The following WIPI2 variants were observed in gnomAD, a reference collection of about 807,000 sequenced individuals.
WIPI2 encodes WD repeat domain, phosphoinositide interacting 2, also known as WD repeat domain phosphoinositide-interacting protein 2.
WIPI2 carries 28 observed loss-of-function variants against 52.3 expected under a neutral mutation model. That is an observed-to-expected ratio of 0.54 (90% confidence interval 0.40 to 0.73). WIPI2 has a LOEUF of 0.73. Ranked by LOEUF, WIPI2 falls within the 30% of genes least tolerant of loss-of-function variation. The pLI is 0.00. For missense variants in WIPI2, 506 were observed against 602.9 expected, an observed-to-expected ratio of 0.84 and a Z score of 1.68; for synonymous variants, 268 against 245.0, an observed-to-expected ratio of 1.09 and a Z score of -0.88.
At chr7:5,207,216 CTA>C (rs1366400845) in intron 3 of WIPI2, among the ~76,000 whole-genome samples, 2 of 152,140 alleles carry the variant, frequency 1.3e-5, no homozygotes, top group Admixed American at 6.5e-5. Context: ...TGAGTGAACA[CTA>C]TGTGAGTTTT....
intron 3 of WIPI2, among the ~76,000 whole-genome samples, chr7:5,210,888 A>G (rs973538960): frequency 6.6e-6 from 1 of 151,990 alleles, no homozygotes; most frequent in African/African-American, 2.4e-5. Flanking sequence ...CGTAATGGGG[A>G]TTGTTGGTTC....
intron 2 of WIPI2, 106 bp from the exon 3 acceptor site, chr7:5,199,470 C>A: frequency 1.2e-6 from 1 of 862,700 alleles, no homozygotes; most frequent in Non-Finnish European, 1.9e-6. Context: ...TTGTGGAGGG[C>A]ACGCGGGGAA....
intron 9 of WIPI2, 102 bp downstream of exon 9, chr7:5,226,032 T>A (rs1434744238): frequency 8.5e-7 from 1 of 1,181,094 alleles, no homozygotes; most frequent in Non-Finnish European, 1.2e-6. Context: ...CCCTCTGACA[T>A]CGTTAGCCAG....
intron 3 of WIPI2, among the ~76,000 whole-genome samples, chr7:5,203,732 G>T (rs186763158): frequency 6.8e-6 from 1 of 146,154 alleles, no homozygotes; most frequent in Non-Finnish European, 1.5e-5. Context: ...TCCCGGATTC[G>T]CGCCATTCTC....
intron 1 of WIPI2, 99 bp from the exon 2 acceptor site, chr7:5,193,019 C>G: frequency 1.7e-6 from 2 of 1,144,528 alleles, no homozygotes; most frequent in South Asian, 2.7e-5. Flanking sequence ...ATATGATTTC[C>G]AATGTCGTAC....
intron 3 of WIPI2, among the ~76,000 whole-genome samples, chr7:5,205,533 C>G (rs1185380489): frequency 6.6e-6 from 1 of 152,194 alleles, no homozygotes; most frequent in Non-Finnish European, 1.5e-5. Context: ...TAGTTTCTGT[C>G]CTGCCTCTGC....
At chr7:5,229,331 GTAAA>G (rs963883447) in intron 11 of WIPI2, 40 of 280,360 alleles carry the variant, frequency 1.4e-4, no homozygotes, top group African/African-American at 8.5e-4. Context: ...GACTTTTTTT[GTAAA>G]TAGTGAATCC....
chr7:5,190,568 C>A, intron 1 of WIPI2, 75 bp downstream of exon 1: 3 of 1,305,374 alleles, frequency 2.3e-6, no homozygotes, highest in Non-Finnish European at 3.0e-6. Context: ...GCCTCGCTGC[C>A]AAGCTCGGCG....
At chr7:5,226,089 C>A in intron 9 of WIPI2, 159 bp downstream of exon 9, 1 of 678,000 alleles carries the variant, frequency 1.5e-6, no homozygotes, top group Non-Finnish European at 2.6e-6. Context: ...CGCATCCAGG[C>A]TCGGCAGTGA....
At chr7:5,199,473 G>A (rs1474828563) in intron 2 of WIPI2, 103 bp from the exon 3 acceptor site, 12 of 917,918 alleles carry the variant, frequency 1.3e-5, no homozygotes, top group South Asian at 9.1e-5. Flanking sequence ...TGGAGGGCAC[G>A]CGGGGAACTT....
At chr7:5,223,114 CT>C (rs1783231663) in intron 8 of WIPI2, among the ~76,000 whole-genome samples, 1 of 152,198 alleles carries the variant, frequency 6.6e-6, no homozygotes, top group Non-Finnish European at 1.5e-5. Context: ...CTGGAGTTCT[CT>C]TGTCTTCCTC....
At chr7:5,226,289 C>T (rs1783428562) in intron 9 of WIPI2, 1 of 245,820 alleles carries the variant, frequency 4.1e-6, no homozygotes, top group South Asian at 5.9e-5. Flanking sequence ...CGTCTCTTAC[C>T]TTCCCACGGG....
At chr7:5,201,082 GC>G (rs1782006022) in intron 3 of WIPI2, among the ~76,000 whole-genome samples, 1 of 152,232 alleles carries the variant, frequency 6.6e-6, no homozygotes, top group Non-Finnish European at 1.5e-5. Context: ...CCCAGGCGCC[GC>G]CCGCCTTCCT....
chr7:5,216,780 T>A, intron 5 of WIPI2, 121 bp downstream of exon 5: 4 of 1,006,352 alleles, frequency 4.0e-6, no homozygotes, highest in Non-Finnish European at 5.9e-6. Context: ...TTAAAAGTAT[T>A]GATCCCAAAC....
intron 2 of WIPI2, among the ~76,000 whole-genome samples, chr7:5,196,034 T>C (rs1243365007): frequency 1.4e-5 from 2 of 147,778 alleles, no homozygotes; most frequent in African/African-American, 5.0e-5. Flanking sequence ...CAAGACTCCA[T>C]CTCAAAAAAA....
intron 3 of WIPI2, among the ~76,000 whole-genome samples, chr7:5,207,444 T>A (rs903356256): frequency 1.3e-5 from 2 of 152,244 alleles, no homozygotes; most frequent in African/African-American, 4.8e-5. Context: ...TTTCTTTTGC[T>A]CTGCATTTTT....
chr7:5,227,965 G>A lies in WIPI2; in HGVS notation c.1014-139G>A. On this transcript the variant is annotated intron_variant, in intron 10 of 12. Coordinates refer to ENST00000288828, the MANE Select transcript of WIPI2 (RefSeq NM_015610.4). This position sits in a 1 kb window ranked among gnomAD's most constrained non-coding sequence, Gnocchi z 8.1. ...TTGGCCGTGTGAGCCGAGGTCAGTG[G>A]GGCGCCAGACACCTGCAGCTGCCCT... is the stretch of plus-strand genomic sequence containing the variant. The A allele has an allele frequency of 1.3e-6, 1 of 787,536 alleles. No individual in the cohort carries two copies. Among genetic ancestry groups the A allele is most frequent in the Non-Finnish European group, 2.2e-6 (1 of 464,938 alleles). The allele number at this position is 787,536 out of a possible 1,614,324, so 48.8% of individuals were successfully genotyped here.
At position 5,214,618 on chromosome 7, in the gene WIPI2, C is replaced by CTAAA; in HGVS notation, c.296_299dup (p.Lys100AsnfsTer7). On this transcript the variant is annotated frameshift_variant, in exon 4 of 13. Transcript: ENST00000288828. LOFTEE classifies it high-confidence loss of function. ...CGTCAGCCTTAAAGCACCAAGGAAGCTAAAGGTTTGCCACTTTAAGAAGGG... is the reference window on the plus strand; with the variant it reads ...CGTCAGCCTTAAAGCACCAAGGAAGCTAAATAAAGGTTTGCCACTTTAAGAAGGG... 1 of 1,614,270 alleles carries CTAAA rather than the reference C, an allele frequency of 6.2e-7. No individual in the cohort carries two copies. Among genetic ancestry groups the CTAAA allele is most frequent in the South Asian group, 1.1e-5 (1 of 91,088 alleles).
In WIPI2 at chr7:5,227,456, G is replaced by A; in HGVS notation, c.1013+112G>A. 7.1e-7 allele frequency: 1 copy of A among 1,411,982 alleles called. No individual in the cohort carries two copies. Among genetic ancestry groups the A allele is most frequent in the Non-Finnish European group, 9.4e-7 (1 of 1,059,192 alleles). The allele number at this position is 1,411,982 out of a possible 1,614,324, so 87.5% of individuals were successfully genotyped here. Reference sequence around the variant, plus strand: ...TTCTGAACAGGAGCAGCTTCTTAGAGCCGACACTCCATCGAGAGTTGTCGG... The same window carrying A: ...TTCTGAACAGGAGCAGCTTCTTAGAACCGACACTCCATCGAGAGTTGTCGG... On this transcript the variant is annotated intron_variant, in intron 10 of 12. Transcript: ENST00000288828. This position sits in a 1 kb window ranked among gnomAD's most constrained non-coding sequence, Gnocchi z 8.1.
Sources: gnomAD v4.1 joint callset for allele counts (sites outside exome capture counted in the v4.1 genomes callset) on GRCh38, gnomAD v4.1.1 for gene constraint, Gnocchi (gnomAD v3.1) non-coding constraint, MANE v1.5 for transcripts, NCBI Gene and HGNC (gene_info 2026-07-23, HGNC 2026-07-21) for gene names.